Variants in PTPRT observed in about 807,000 individuals in gnomAD.
PTPRT encodes the protein receptor-type tyrosine-protein phosphatase T.
A neutral mutation model predicts 176.8 loss-of-function variants in PTPRT; 56 were observed. The observed-to-expected ratio is 0.32, with a 90% CI of 0.26 to 0.40. The LOEUF (loss-of-function observed/expected upper bound fraction) is 0.40. PTPRT is among the 10% of genes least tolerant of loss of function. The pLI is 1.00. For missense variants in PTPRT, 1,540 were observed against 1,908.2 expected (o/e 0.81, Z 3.60); for synonymous variants, 783 against 739.0 (o/e 1.06, Z -0.96).
chr20:42,766,759 A>C (rs78397139), intron 5 of PTPRT, among the ~76,000 whole-genome samples: 7,930 of 152,302 alleles, frequency 0.052, 302 homozygotes, highest in South Asian at 0.18. Context: ...CATACCTGCT[A>C]TGCTGGAAAC....
At chr20:42,859,358 G>C (rs930540829) in intron 2 of PTPRT, among the ~76,000 whole-genome samples, 1 of 152,056 alleles carries the variant, frequency 6.6e-6, no homozygotes, top group Non-Finnish European at 1.5e-5. Flanking sequence ...ACATTTATCT[G>C]CTCAGAAACT....
chr20:43,035,652 C>T (rs865851442), intron 1 of PTPRT, among the ~76,000 whole-genome samples: 2 of 152,278 alleles, frequency 1.3e-5, no homozygotes, highest in South Asian at 4.1e-4. Flanking sequence ...ACCAGATGAA[C>T]AAAGGTAACT....
intron 15 of PTPRT, among the ~76,000 whole-genome samples, chr20:42,217,191 T>G (rs2055791302): frequency 1.3e-5 from 2 of 151,950 alleles, no homozygotes; most frequent in Non-Finnish European, 2.9e-5. Flanking sequence ...CTGGCCAACA[T>G]GGCGAAATCC....
At chr20:42,323,143 C>G (rs961593235) in intron 11 of PTPRT, among the ~76,000 whole-genome samples, 7 of 152,152 alleles carry the variant, frequency 4.6e-5, no homozygotes, top group African/African-American at 9.7e-5. Flanking sequence ...GAAATAGGAA[C>G]ACTTTTACAC....
chr20:42,223,641 C>A (rs576762310), intron 15 of PTPRT, among the ~76,000 whole-genome samples: 1 of 152,262 alleles, frequency 6.6e-6, no homozygotes, highest in South Asian at 2.1e-4. Flanking sequence ...TCTGGAAAAA[C>A]CTTAGATCCC....
At chr20:42,119,120 T>A (rs938464476) in intron 20 of PTPRT, among the ~76,000 whole-genome samples, 2 of 149,040 alleles carry the variant, frequency 1.3e-5, no homozygotes, top group Non-Finnish European at 3.0e-5. Flanking sequence ...TGGGCCTTCA[T>A]CATTTTTAAA....
chr20:42,677,305 C>T lies in PTPRT; in HGVS notation c.1153+561G>A, dbSNP rs1009711739. 8.6e-5 allele frequency among the ~76,000 whole-genome samples: 13 copies of T among 151,968 alleles called. 1 individual carries two copies. The highest frequency in any genetic ancestry group is 8.5e-4 in the Admixed American group (13 of 15,258). ...TCAGGAACAATGTTAGAATTAGAAA[C>T]TCATTAAAGATACAACCAAAACCAG... On this transcript the variant is annotated intron_variant, in intron 7 of 30. Coordinates refer to ENST00000373187, the MANE Select transcript of PTPRT (RefSeq NM_007050.6).
At chr20:42,888,334 C>G (rs1318012002) in intron 1 of PTPRT, among the ~76,000 whole-genome samples, 1 of 150,736 alleles carries the variant, frequency 6.6e-6, no homozygotes, top group Non-Finnish European at 1.5e-5. Flanking sequence ...TGTGTCATAC[C>G]TCAACACAGT....
At chr20:43,043,203 T>C (rs1986699321) in intron 1 of PTPRT, among the ~76,000 whole-genome samples, 1 of 152,134 alleles carries the variant, frequency 6.6e-6, no homozygotes, top group Admixed American at 6.5e-5. Flanking sequence ...ATACACTGTA[T>C]CTGGCAGGGG....
At chr20:42,580,769 T>C (rs1342156497) in intron 7 of PTPRT, among the ~76,000 whole-genome samples, 4 of 152,228 alleles carry the variant, frequency 2.6e-5, no homozygotes, top group Non-Finnish European at 5.9e-5. Context: ...CCTGAGACTT[T>C]GCTGAAGTTG....
intron 1 of PTPRT, among the ~76,000 whole-genome samples, chr20:43,041,960 C>A (rs573711678): frequency 6.6e-6 from 1 of 152,160 alleles, no homozygotes; most frequent in Non-Finnish European, 1.5e-5. Context: ...TCACTCAAAT[C>A]GAAAGAGAAC....
chr20:42,181,655 C>A (rs1600642041), intron 16 of PTPRT, among the ~76,000 whole-genome samples: 1 of 152,270 alleles, frequency 6.6e-6, no homozygotes, highest in Non-Finnish European at 1.5e-5. Context: ...CCATTGTGAT[C>A]TATCCTGACT....
intron 1 of PTPRT, among the ~76,000 whole-genome samples, chr20:43,119,111 G>A (rs1043927185): frequency 6.6e-6 from 1 of 152,154 alleles, no homozygotes; most frequent in Non-Finnish European, 1.5e-5. Context: ...ATAAGAATAT[G>A]TAATGATATT....
At chr20:43,053,255 C>T (rs1011563399) in intron 1 of PTPRT, among the ~76,000 whole-genome samples, 6 of 152,186 alleles carry the variant, frequency 3.9e-5, no homozygotes, top group Non-Finnish European at 7.4e-5. Flanking sequence ...CTCACATCCA[C>T]CCCCTCCACT....
At chr20:42,859,615 G>C (rs1358857262) in intron 2 of PTPRT, among the ~76,000 whole-genome samples, 1 of 127,204 alleles carries the variant, frequency 7.9e-6, no homozygotes, top group African/African-American at 3.2e-5. Context: ...ATGGAGTCTC[G>C]CTCTGTCACC....
rs1441052868 is a variant in PTPRT at position 42,080,939 on chromosome 20, G to A, written c.4273-7C>T. On this transcript the variant is annotated splice_region_variant and splice_polypyrimidine_tract_variant and intron_variant, in intron 30 of 30. Coordinates refer to ENST00000373187, the MANE Select transcript of PTPRT (RefSeq NM_007050.6). ...ATACAAATTTATACTGTTCCTGAGA[G>A]GCGGAGAGGAGCAGAGGCAGAGAGG... 24 of 1,597,174 alleles carry A rather than the reference G, an allele frequency of 1.5e-5. No individual in the cohort carries two copies. The highest frequency in any genetic ancestry group is 2.1e-5 in the Non-Finnish European group (24 of 1,165,292).
intron 16 of PTPRT, among the ~76,000 whole-genome samples, chr20:42,196,266 G>A (rs544994153): frequency 3.5e-4 from 53 of 152,312 alleles, no homozygotes; most frequent in African/African-American, 1.1e-3. Flanking sequence ...CCCCAGAGCC[G>A]AAAGCAGGGG....
intron 1 of PTPRT, among the ~76,000 whole-genome samples, chr20:42,982,763 C>T (rs1235343819): frequency 6.6e-6 from 1 of 152,206 alleles, no homozygotes; most frequent in Non-Finnish European, 1.5e-5. Flanking sequence ...TCCTCTCCCA[C>T]ACCCGCCCTC....
chr20:42,797,890 A>C (rs994232159), intron 2 of PTPRT, among the ~76,000 whole-genome samples: 1 of 152,106 alleles, frequency 6.6e-6, no homozygotes, highest in Non-Finnish European at 1.5e-5. Flanking sequence ...AAAACTAGAA[A>C]AGGTGAGAAA....
Sources: gnomAD v4.1 joint callset for allele counts (sites outside exome capture counted in the v4.1 genomes callset) on GRCh38, gnomAD v4.1.1 for gene constraint, MANE v1.5 for transcripts, NCBI Gene and HGNC (gene_info 2026-07-23, HGNC 2026-07-21) for gene names.